Variants in RIMS2 observed in about 807,000 individuals in gnomAD.
The protein encoded by RIMS2 is regulating synaptic membrane exocytosis protein 2.
Under a neutral mutation model 174.4 loss-of-function variants are expected in RIMS2, and 59 were observed. The ratio of observed to expected loss-of-function variants is 0.34; its 90% CI spans 0.27 to 0.42. RIMS2 has a LOEUF of 0.42. Ranked by LOEUF, RIMS2 falls within the 10% of genes least tolerant of loss-of-function variation. The probability of loss-of-function intolerance (pLI) is 1.00; values close to 1 mark genes in which losing one functional copy is unlikely to be tolerated. For missense variants in RIMS2, 1,620 were observed against 1,666.3 expected (o/e 0.97, Z 0.48); for synonymous variants, 606 against 572.5 (o/e 1.06, Z -0.84).
chr8:103,747,071 C>CT (rs1457346353), intron 2 of RIMS2, among the ~76,000 whole-genome samples: 3 of 126,568 alleles, frequency 2.4e-5, no homozygotes, highest in African/African-American at 9.2e-5. Context: ...ACATGATCTT[C>CT]TTTCTTTTTT....
intron 19 of RIMS2, among the ~76,000 whole-genome samples, chr8:104,072,133 T>C (rs1357010834): frequency 2.0e-5 from 3 of 152,302 alleles, no homozygotes; most frequent in East Asian, 3.9e-4. Flanking sequence ...TGTGGAACTA[T>C]CTTTGCTGGA....
intron 1 of RIMS2, among the ~76,000 whole-genome samples, chr8:103,610,523 G>T (rs900817821): frequency 6.6e-6 from 1 of 152,076 alleles, no homozygotes; most frequent in Non-Finnish European, 1.5e-5. Flanking sequence ...CTACTTTATT[G>T]CAGGTTTTTA....
At position 103,910,270 on chromosome 8, in the gene RIMS2, T is replaced by C. The variant is rs1318169906; in HGVS notation, c.1692+69T>C. ...CACTTTTCCTTTTTTATTTACACCTTTGCATGTTTCTTTTTTGTATCTTTT... is the reference window on the plus strand; with the variant it reads ...CACTTTTCCTTTTTTATTTACACCTCTGCATGTTTCTTTTTTGTATCTTTT... On this transcript the variant is annotated intron_variant, in intron 5 of 23. Coordinates refer to ENST00000504942, the Ensembl canonical transcript of RIMS2. The C allele has an allele frequency of 1.7e-5, 26 of 1,503,222 alleles. 1 individual carries two copies. Among genetic ancestry groups the C allele is most frequent in the Non-Finnish European group, 2.3e-5 (25 of 1,096,250 alleles). 93.1% of individuals were successfully genotyped at this position (1,503,222 alleles called of 1,614,324 possible).
chr8:103,690,266 A>G (rs1406166273), intron 1 of RIMS2, among the ~76,000 whole-genome samples: 1 of 152,052 alleles, frequency 6.6e-6, no homozygotes, highest in Non-Finnish European at 1.5e-5. Flanking sequence ...TCCTGGCCGC[A>G]TGTGTCTTTT....
chr8:104,024,087 C>T (rs554087101), intron 19 of RIMS2, among the ~76,000 whole-genome samples: 3 of 152,164 alleles, frequency 2.0e-5, no homozygotes, highest in Admixed American at 6.5e-5. Context: ...AGTGCAGACA[C>T]CTTTGAAAGG....
At chr8:103,943,983 C>T (rs1368569224) in intron 14 of RIMS2, among the ~76,000 whole-genome samples, 1 of 152,008 alleles carries the variant, frequency 6.6e-6, no homozygotes, top group Non-Finnish European at 1.5e-5. Context: ...TAGAAGAATA[C>T]ATTATATATG....
chr8:103,607,045 T>C (rs2095130868), intron 1 of RIMS2, among the ~76,000 whole-genome samples: 1 of 152,110 alleles, frequency 6.6e-6, no homozygotes, highest in African/African-American at 2.4e-5. Flanking sequence ...CTTGTCGTTA[T>C]GATGTTAGCT....
At chr8:104,211,330 C>G (rs1489778881) in intron 19 of RIMS2, among the ~76,000 whole-genome samples, 1 of 151,980 alleles carries the variant, frequency 6.6e-6, no homozygotes, top group Middle Eastern at 3.2e-3. Context: ...CCAGGAAAGG[C>G]CTTATAGGAA....
chr8:104,222,300 T>C (rs2138571300), intron 19 of RIMS2, among the ~76,000 whole-genome samples: 1 of 152,334 alleles, frequency 6.6e-6, no homozygotes, highest in Admixed American at 6.5e-5. Context: ...GTACCTGGCA[T>C]ATACTAGGAG....
Position 103,915,488 on chromosome 8 carries a change from T to A in RIMS2, c.1813-7T>A. 1 of 1,550,838 alleles carries A rather than the reference T, an allele frequency of 6.4e-7. No homozygotes were observed. The highest frequency in any genetic ancestry group is 8.8e-7 in the Non-Finnish European group (1 of 1,130,236). On this transcript the variant is annotated splice_polypyrimidine_tract_variant and splice_region_variant and intron_variant, in intron 6 of 23. Coordinates refer to ENST00000504942, the Ensembl canonical transcript of RIMS2. ...TTCCCATGTTAATACTTTCCTCTTT[T>A]AAACAGGTTGTAGGAGGAAAGATGA...
At position 103,777,117 on chromosome 8, in the gene RIMS2, T is replaced by C. The variant is rs544525707; in HGVS notation, c.698+10580T>C. 2.6e-5 allele frequency among the ~76,000 whole-genome samples: 4 copies of C among 152,186 alleles called. No homozygotes were observed. In the South Asian group the frequency reaches 8.3e-4, roughly 32 times the overall value. ...CAGTCATGTGTATCTTCTTCATCAG[T>C]GTATTCCTAGCACCTCACACAGTAA... On this transcript the variant is annotated intron_variant, in intron 3 of 23. Coordinates refer to ENST00000504942, the Ensembl canonical transcript of RIMS2.
At chr8:104,000,937 T>C (rs2095358429) in intron 17 of RIMS2, among the ~76,000 whole-genome samples, 1 of 151,922 alleles carries the variant, frequency 6.6e-6, no homozygotes, top group African/African-American at 2.4e-5. Flanking sequence ...ATTGAGTTGT[T>C]TGAGTTCCTT....
intron 19 of RIMS2, among the ~76,000 whole-genome samples, chr8:104,065,209 A>G (rs2154560908): frequency 6.6e-6 from 1 of 152,202 alleles, no homozygotes; most frequent in South Asian, 2.1e-4. Context: ...AAGAGAGAGG[A>G]AATTGAACAA....
chr8:104,034,952 CA>C (rs1187554190), intron 19 of RIMS2, among the ~76,000 whole-genome samples: 92 of 152,124 alleles, frequency 6.0e-4, no homozygotes, highest in African/African-American at 2.0e-3. Flanking sequence ...TTAATTACCA[CA>C]CAAAAAAGTA....
chr8:104,209,916 AG>A (rs1202732944), intron 19 of RIMS2, among the ~76,000 whole-genome samples: 1 of 152,218 alleles, frequency 6.6e-6, no homozygotes, highest in Non-Finnish European at 1.5e-5. Flanking sequence ...GTCTATAAAA[AG>A]TAAGGGAAAG....
At chr8:104,149,980 T>C (rs2098676031) in intron 19 of RIMS2, among the ~76,000 whole-genome samples, 2 of 152,188 alleles carry the variant, frequency 1.3e-5, no homozygotes, top group Admixed American at 6.5e-5. Flanking sequence ...TTTTAATATA[T>C]AAATAGAAGT....
At chr8:103,985,651 A>G (rs1360084551) in intron 16 of RIMS2, among the ~76,000 whole-genome samples, 1 of 152,080 alleles carries the variant, frequency 6.6e-6, no homozygotes, top group African/African-American at 2.4e-5. Flanking sequence ...TAAAAAATTA[A>G]AATTAAAAAA....
At chr8:104,211,406 A>G (rs910645440) in intron 19 of RIMS2, among the ~76,000 whole-genome samples, 1 of 152,326 alleles carries the variant, frequency 6.6e-6, no homozygotes. Context: ...GAGGAACAAA[A>G]CATTGTGATT....
At chr8:103,812,774 G>A (rs988213255) in intron 3 of RIMS2, among the ~76,000 whole-genome samples, 7 of 152,026 alleles carry the variant, frequency 4.6e-5, no homozygotes, top group African/African-American at 7.2e-5. Flanking sequence ...TATCCCTGAG[G>A]TGAATTGTTC....
Sources: gnomAD v4.1 joint callset for allele counts (sites outside exome capture counted in the v4.1 genomes callset) on GRCh38, gnomAD v4.1.1 for gene constraint, MANE v1.5 for transcripts, NCBI Gene and HGNC (gene_info 2026-07-23, HGNC 2026-07-21) for gene names.